Variants in XKR9 observed in about 807,000 individuals in gnomAD.
XKR9 encodes XK-related protein 9.
XKR9 carries 32 observed loss-of-function variants against 32.0 expected under a neutral mutation model. The observed-to-expected ratio is 1.00, with a 90% CI of 0.76 to 1.34. The LOEUF (loss-of-function observed/expected upper bound fraction) is 1.34, where lower values mean the gene tolerates loss of function less well. Ranked by LOEUF, XKR9 falls within the 40% of genes most tolerant of loss-of-function variation. The pLI is 0.00. For synonymous variants in XKR9, 168 were observed against 143.4 expected (o/e 1.17, Z -1.22); for missense variants, 546 against 429.7 (o/e 1.27, Z -2.39).
intron 3 of XKR9, among the ~76,000 whole-genome samples, chr8:70,683,314 T>G (rs1159671574): frequency 6.6e-6 from 1 of 152,218 alleles, no homozygotes; most frequent in Non-Finnish European, 1.5e-5. Context: ...TCCCAACTAA[T>G]ATATTTATAT....
At chr8:70,754,166 T>C (rs1807183614) in intron 2 of XKR9, among the ~76,000 whole-genome samples, 1 of 148,018 alleles carries the variant, frequency 6.8e-6, no homozygotes, top group Non-Finnish European at 1.5e-5. Context: ...CCATTCACAA[T>C]TGCTACAAAG....
chr8:70,683,013 C>G (rs563932839), intron 3 of XKR9, among the ~76,000 whole-genome samples: 1 of 152,358 alleles, frequency 6.6e-6, no homozygotes, highest in East Asian at 1.9e-4. Flanking sequence ...TCTTGCCTAA[C>G]AACAGCCCTT....
intron 3 of XKR9, among the ~76,000 whole-genome samples, chr8:70,682,487 T>C (rs977163447): frequency 1.3e-5 from 2 of 152,200 alleles, no homozygotes; most frequent in Non-Finnish European, 2.9e-5. Context: ...TAAATTGTAT[T>C]ATAAAAGAAA....
intron 2 of XKR9, among the ~76,000 whole-genome samples, chr8:70,769,561 G>C (rs1390858495): frequency 6.6e-6 from 1 of 152,020 alleles, no homozygotes; most frequent in Non-Finnish European, 1.5e-5. Flanking sequence ...CTCCCCATCA[G>C]TTTCAGGTAC....
chr8:70,892,768 C>T, the XKR9 span, among the ~76,000 whole-genome samples: 178 of 152,170 alleles, frequency 1.2e-3, 1 homozygote, highest in Non-Finnish European at 2.4e-3. Flanking sequence ...CTGGAATTCT[C>T]ACTTTGTTTT....
chr8:70,845,507 A>T, the XKR9 span, among the ~76,000 whole-genome samples: 4 of 152,366 alleles, frequency 2.6e-5, no homozygotes, highest in South Asian at 8.3e-4. Context: ...TCAGTGAGAC[A>T]CAAGAGAACA....
In XKR9 at chr8:70,681,069, C is replaced by T. The variant is rs775529750; in HGVS notation, c.11C>T (p.Thr4Ile). MKY[T>I]KQNFMMSVLG... is the part of the protein sequence containing the mutation. ...CTATAGTCATTCGTAATGAAATATA[C>T]TAAACAGAATTTTATGATGTCAGTT... Residue 4 changes from threonine to isoleucine, a missense_variant, in exon 3 of 5, where the codon ACT becomes ATT. Coordinates refer to ENST00000408926, the MANE Select transcript of XKR9 (RefSeq NM_001011720.2). 4 of 1,610,714 alleles carry T rather than the reference C, an allele frequency of 2.5e-6. No individual in the cohort carries two copies. The highest frequency in any genetic ancestry group is 3.3e-4 in the Middle Eastern group (2 of 5,980).
At chr8:70,744,536 T>C (rs1229302008) in intron 2 of XKR9, among the ~76,000 whole-genome samples, 1 of 152,202 alleles carries the variant, frequency 6.6e-6, no homozygotes, top group Non-Finnish European at 1.5e-5. Context: ...ATCCAGTTCA[T>C]TTTTTGTGAA....
chr8:70,975,718 A>T, the XKR9 span, among the ~76,000 whole-genome samples: 1 of 152,118 alleles, frequency 6.6e-6, no homozygotes, highest in Admixed American at 6.6e-5. Context: ...TTGTCTTGGC[A>T]ATGCAGTCTC....
At chr8:70,967,148 C>T in the XKR9 span, among the ~76,000 whole-genome samples, 1 of 148,936 alleles carries the variant, frequency 6.7e-6, no homozygotes, top group African/African-American at 2.5e-5. Context: ...CTGCAAGCTC[C>T]ACCTCCTGGG....
the XKR9 span, among the ~76,000 whole-genome samples, chr8:70,902,170 T>A: frequency 6.6e-6 from 1 of 152,230 alleles, no homozygotes; most frequent in Non-Finnish European, 1.5e-5. Context: ...TTTAAGGTAG[T>A]TTTTTCCAAT....
chr8:71,051,526 GGGGTGT>G, the XKR9 span, among the ~76,000 whole-genome samples: 13,944 of 105,026 alleles, frequency 0.13, 748 homozygotes, highest in African/African-American at 0.26. Context: ...TGGTGGTGGT[GGGGTGT>G]GTGTGTGTGT....
Position 70,681,071 on chromosome 8 carries a change from A to G in XKR9, c.13A>G (p.Lys5Glu), listed in dbSNP as rs142251068. The G allele has an allele frequency of 2.5e-6, 4 of 1,611,656 alleles. No homozygotes were observed. The highest frequency in any genetic ancestry group is 3.4e-6 in the Non-Finnish European group (4 of 1,178,698). The change falls in exon 3 of 5, where the codon AAA (lysine) becomes GAA (glutamate). Residue 5 changes from lysine to glutamate, a missense_variant. Coordinates refer to ENST00000408926, the MANE Select transcript of XKR9 (RefSeq NM_001011720.2). ...ATAGTCATTCGTAATGAAATATACTAAACAGAATTTTATGATGTCAGTTCT... is the reference window on the plus strand; with the variant it reads ...ATAGTCATTCGTAATGAAATATACTGAACAGAATTTTATGATGTCAGTTCT... MKYT[K>E]QNFMMSVLGI... is the part of the protein sequence containing the mutation.
chr8:70,939,235 C>A, the XKR9 span, among the ~76,000 whole-genome samples: 1 of 151,974 alleles, frequency 6.6e-6, no homozygotes, highest in East Asian at 1.9e-4. Flanking sequence ...GAAATATGTC[C>A]GAAAGAAAAC....
intron 2 of XKR9, among the ~76,000 whole-genome samples, chr8:70,780,732 G>C (rs1000601549): frequency 6.6e-6 from 1 of 152,050 alleles, no homozygotes; most frequent in Non-Finnish European, 1.5e-5. Flanking sequence ...TATTATGGAA[G>C]TCCCAGAAAA....
At chr8:70,996,805 C>G in the XKR9 span, among the ~76,000 whole-genome samples, 1 of 152,280 alleles carries the variant, frequency 6.6e-6, no homozygotes, top group Non-Finnish European at 1.5e-5. Flanking sequence ...TTTGACTTTC[C>G]TCTCTGAATT....
At chr8:70,975,817 AT>A in the XKR9 span, among the ~76,000 whole-genome samples, 1 of 152,138 alleles carries the variant, frequency 6.6e-6, no homozygotes, top group African/African-American at 2.4e-5. Flanking sequence ...CATTGAATCT[AT>A]AAATTACCTT....
the XKR9 span, among the ~76,000 whole-genome samples, chr8:70,864,048 C>G: frequency 9.9e-5 from 15 of 152,144 alleles, no homozygotes; most frequent in Non-Finnish European, 2.1e-4. Flanking sequence ...AATACTTACA[C>G]TTTAGCTTTG....
At chr8:70,737,270 GTC>G (rs1317199932), downstream of XKR9, among the ~76,000 whole-genome samples, 1 of 147,250 alleles carries the variant, frequency 6.8e-6, no homozygotes, top group Non-Finnish European at 1.5e-5. Context: ...CTCTCTGTTT[GTC>G]TGTTATTGGT....
Sources: gnomAD v4.1 joint callset for allele counts (sites outside exome capture counted in the v4.1 genomes callset) on GRCh38, gnomAD v4.1.1 for gene constraint, MANE v1.5 for transcripts, NCBI Gene and HGNC (gene_info 2026-07-23, HGNC 2026-07-21) for gene names.